Variants in SPMIP7 observed in about 807,000 individuals in gnomAD.
SPMIP7 encodes sperm microtubule inner protein 7.
the SPMIP7 span, among the ~76,000 whole-genome samples, chr7:50,121,835 C>T: frequency 0.12 from 5,597 of 47,506 alleles, 314 homozygotes; most frequent in African/African-American, 0.36. Context: ...TGTTTTTTTT[C>T]TTGTAGAGAT....
At chr7:50,140,012 AC>A in the SPMIP7 span, 1 of 643,326 alleles carries the variant, frequency 1.6e-6, no homozygotes, top group Non-Finnish European at 2.5e-6. Flanking sequence ...AAAATCACAA[AC>A]CTTTAAAGGA....
chr7:50,104,243 A>C, the SPMIP7 span: 38 of 659,714 alleles, frequency 5.8e-5, no homozygotes, highest in African/African-American at 5.9e-4. Flanking sequence ...CTAATAGTAA[A>C]TATTTCTGTT....
the SPMIP7 span, among the ~76,000 whole-genome samples, chr7:50,123,474 G>A: frequency 6.7e-6 from 1 of 148,552 alleles, no homozygotes; most frequent in African/African-American, 2.5e-5. Context: ...GCTAGATGAC[G>A]AGTTAGTGGT....
At chr7:50,155,703 C>A in the SPMIP7 span, among the ~76,000 whole-genome samples, 1 of 151,908 alleles carries the variant, frequency 6.6e-6, no homozygotes, top group African/African-American at 2.4e-5. Flanking sequence ...ACTGTTACTC[C>A]CAGAGAATAT....
chr7:50,131,171 G>A, the SPMIP7 span, among the ~76,000 whole-genome samples: 890 of 152,262 alleles, frequency 5.8e-3, 5 homozygotes, highest in Non-Finnish European at 8.0e-3. Flanking sequence ...TAGCTTGGGG[G>A]AGAGTGCTGG....
At chr7:50,096,850 C>A in the SPMIP7 span, among the ~76,000 whole-genome samples, 40 of 152,254 alleles carry the variant, frequency 2.6e-4, no homozygotes, top group African/African-American at 9.4e-4. Context: ...AAAGAACATT[C>A]ATTAGTGATT....
At chr7:50,129,779 G>T in the SPMIP7 span, 1 of 1,547,592 alleles carries the variant, frequency 6.5e-7, no homozygotes. Context: ...CATTTTACAA[G>T]TCCTCTACAC....
At chr7:50,095,921 C>T in the SPMIP7 span, 8 of 493,066 alleles carry the variant, frequency 1.6e-5, no homozygotes, top group East Asian at 1.9e-4. Flanking sequence ...AAATATTTGC[C>T]TTAAAAAGAA....
the SPMIP7 span, among the ~76,000 whole-genome samples, chr7:50,157,418 A>G: frequency 2.0e-5 from 3 of 152,122 alleles, no homozygotes; most frequent in African/African-American, 7.2e-5. Context: ...TCCCATTTCC[A>G]CCGCAGTCCA....
At chr7:50,115,059 C>T in the SPMIP7 span, among the ~76,000 whole-genome samples, 1 of 150,910 alleles carries the variant, frequency 6.6e-6, no homozygotes, top group Non-Finnish European at 1.5e-5. Flanking sequence ...TAGTACCCTA[C>T]TTATACGCTG....
At chr7:50,114,549 A>T in the SPMIP7 span, among the ~76,000 whole-genome samples, 4 of 152,128 alleles carry the variant, frequency 2.6e-5, no homozygotes, top group African/African-American at 4.8e-5. Flanking sequence ...TAGTAAGTTA[A>T]TAGGAGATAA....
At chr7:50,128,451 T>C in the SPMIP7 span, among the ~76,000 whole-genome samples, 1 of 151,858 alleles carries the variant, frequency 6.6e-6, no homozygotes, top group Non-Finnish European at 1.5e-5. Flanking sequence ...TCAAAATAAA[T>C]AGAGGAGAAA....
the SPMIP7 span, among the ~76,000 whole-genome samples, chr7:50,139,349 C>CAA: frequency 1.0e-5 from 1 of 96,506 alleles, no homozygotes; most frequent in Non-Finnish European, 2.2e-5. Context: ...GGCACCATCT[C>CAA]AAAAAAAAAA....
At chr7:50,130,727 C>T in the SPMIP7 span, among the ~76,000 whole-genome samples, 346 of 152,008 alleles carry the variant, frequency 2.3e-3, 6 homozygotes, top group Admixed American at 0.014. Context: ...GAGGCCTCCC[C>T]AGGTGCTGAG....
the SPMIP7 span, among the ~76,000 whole-genome samples, chr7:50,112,546 G>T: frequency 2.0e-5 from 3 of 152,072 alleles, no homozygotes; most frequent in Non-Finnish European, 2.9e-5. Flanking sequence ...GCAAAGTAAT[G>T]AATAAATTAG....
chr7:50,122,841 C>T, the SPMIP7 span, among the ~76,000 whole-genome samples: 2 of 152,122 alleles, frequency 1.3e-5, no homozygotes, highest in African/African-American at 4.8e-5. Flanking sequence ...GGCCATCAGA[C>T]AAATGCAAAT....
the SPMIP7 span, among the ~76,000 whole-genome samples, chr7:50,134,979 G>A: frequency 4.4e-4 from 67 of 152,068 alleles, no homozygotes; most frequent in African/African-American, 1.4e-3. Flanking sequence ...CCCCGTTCTC[G>A]TCTTCTTACT....
the SPMIP7 span, among the ~76,000 whole-genome samples, chr7:50,107,949 G>A: frequency 6.6e-6 from 1 of 152,162 alleles, no homozygotes; most frequent in Non-Finnish European, 1.5e-5. Context: ...TTTCAACATA[G>A]TTTATGGTAA....
chr7:50,133,603 A>G, the SPMIP7 span, among the ~76,000 whole-genome samples: 1 of 152,090 alleles, frequency 6.6e-6, no homozygotes, highest in African/African-American at 2.4e-5. Context: ...AAGTCTAGGT[A>G]TGTCCCAACT....
Sources: gnomAD v4.1 joint callset for allele counts (sites outside exome capture counted in the v4.1 genomes callset) on GRCh38, gnomAD v4.1.1 for gene constraint, MANE v1.5 for transcripts, NCBI Gene and HGNC (gene_info 2026-07-23, HGNC 2026-07-21) for gene names.